PTPRN2: variants seen among roughly 807,000 people sequenced by gnomAD.
PTPRN2 encodes the protein receptor-type tyrosine-protein phosphatase N2.
Under a neutral mutation model 118.8 loss-of-function variants are expected in PTPRN2, and 74 were observed. That is an observed-to-expected ratio of 0.62 (90% CI 0.52 to 0.76). PTPRN2 has a LOEUF of 0.76. PTPRN2 is among the 30% of genes least tolerant of loss of function. PTPRN2 has a pLI of 0.00. For missense variants in PTPRN2, 1,481 were observed against 1,394.4 expected (o/e 1.06, Z -0.99); for synonymous variants, 641 against 608.0 (o/e 1.05, Z -0.80).
chr7:158,123,837 C>T (rs557636636), intron 9 of PTPRN2, among the ~76,000 whole-genome samples: 16 of 152,288 alleles, frequency 1.1e-4, no homozygotes, highest in Admixed American at 4.6e-4. Context: ...GCCGTGAACC[C>T]GTGCTGACCC....
At chr7:158,423,319 A>G (rs1156927829) in intron 2 of PTPRN2, among the ~76,000 whole-genome samples, 2 of 152,158 alleles carry the variant, frequency 1.3e-5, no homozygotes, top group African/African-American at 2.4e-5. Flanking sequence ...GCTTCCCTCC[A>G]CCCACAGTAA....
chr7:158,539,148 C>T (rs1352560967), intron 1 of PTPRN2, among the ~76,000 whole-genome samples: 1 of 152,204 alleles, frequency 6.6e-6, no homozygotes, highest in East Asian at 1.9e-4. Flanking sequence ...GTCCCATTTT[C>T]CCTGAACTAT....
rs576832162 is a variant in PTPRN2 at position 157,757,204 on chromosome 7, C to T, written c.1789-74267G>A. Among the ~76,000 whole-genome samples, 12 of 150,164 alleles carry T rather than the reference C, an allele frequency of 8.0e-5. 1 individual carries two copies. In the South Asian group the frequency reaches 2.1e-3, roughly 26 times the overall value. On this transcript the variant is annotated intron_variant, in intron 12 of 22. Transcript: ENST00000389418. The stretch of plus-strand genomic sequence containing the variant: ...GCTGCACCGTGCAGGCAGAGACCGT[C>T]GAGGAACCCACAGCAGAATTGGCCA...
intron 2 of PTPRN2, among the ~76,000 whole-genome samples, chr7:158,454,459 C>T (rs377378660): frequency 9.1e-4 from 128 of 140,288 alleles, no homozygotes; most frequent in South Asian, 8.4e-3. Flanking sequence ...GGATTGGGGA[C>T]GGTTGCTACA....
chr7:157,702,595 C>T (rs1376668952), intron 12 of PTPRN2, among the ~76,000 whole-genome samples: 2 of 152,182 alleles, frequency 1.3e-5, no homozygotes, highest in East Asian at 1.9e-4. Flanking sequence ...AGCCCCGGGG[C>T]GGAGGCTCAC....
Position 157,550,476 on chromosome 7 carries a change from C to T in PTPRN2, c.2903-1457G>A, listed in dbSNP as rs538620065. 7.9e-5 allele frequency among the ~76,000 whole-genome samples: 12 copies of T among 152,258 alleles called. No homozygotes were observed. Among genetic ancestry groups the T allele is most frequent in the Non-Finnish European group, 1.5e-4 (10 of 68,036 alleles). On this transcript the variant is annotated intron_variant, in intron 21 of 22. Transcript: ENST00000389418. This position sits in a 1 kb window ranked among gnomAD's most constrained non-coding sequence, Gnocchi z 5.2. ...GAATCTGGCTGTCAGGACAGCCCCA[C>T]AGCGGCTCCACCAGGGAGGCCGGGC...
At chr7:157,963,587 A>G (rs1801689665) in intron 11 of PTPRN2, among the ~76,000 whole-genome samples, 1 of 152,258 alleles carries the variant, frequency 6.6e-6, no homozygotes, top group Non-Finnish European at 1.5e-5. Context: ...TGTTCCACAC[A>G]TAAAGAATTT....
intron 1 of PTPRN2, among the ~76,000 whole-genome samples, chr7:158,577,516 C>G (rs1354152870): frequency 6.7e-6 from 1 of 149,796 alleles, no homozygotes; most frequent in Non-Finnish European, 1.5e-5. Flanking sequence ...CTGCCTGATG[C>G]CACAAACAGC....
At chr7:158,113,742 C>T (rs967117425) in intron 9 of PTPRN2, among the ~76,000 whole-genome samples, 4 of 152,076 alleles carry the variant, frequency 2.6e-5, no homozygotes, top group Non-Finnish European at 5.9e-5. Flanking sequence ...GGGCCTCGCA[C>T]CTGCAACAAG....
intron 12 of PTPRN2, among the ~76,000 whole-genome samples, chr7:157,717,504 G>A (rs1056335311): frequency 7.9e-5 from 12 of 152,262 alleles, no homozygotes; most frequent in African/African-American, 1.4e-4. Flanking sequence ...GCAATTGACC[G>A]CGGAAGCCAG....
In PTPRN2 at chr7:157,676,187, G is replaced by A. The variant is rs1415835553; in HGVS notation, c.2001+6538C>T. On this transcript the variant is annotated intron_variant, in intron 13 of 22. Coordinates refer to ENST00000389418, the MANE Select transcript of PTPRN2 (RefSeq NM_002847.5). This position sits in a 1 kb window ranked among gnomAD's most constrained non-coding sequence, Gnocchi z 5.6. ...CCCTGTCTAAACTCTTGGCCTGACT[G>A]GGAGGACCTCTTCCCTCTAGCCCAG... 6.6e-6 allele frequency among the ~76,000 whole-genome samples: 1 copy of A among 152,064 alleles called. No homozygotes were observed. The highest frequency in any genetic ancestry group is 1.5e-5 in the Non-Finnish European group (1 of 68,012).
chr7:158,402,976 C>G (rs1813064718), intron 2 of PTPRN2, among the ~76,000 whole-genome samples: 1 of 152,228 alleles, frequency 6.6e-6, no homozygotes, highest in South Asian at 2.1e-4. Context: ...CCAGAGCTGG[C>G]ACTGAAAACC....
At chr7:157,573,233 A>C (rs1328149835) in intron 19 of PTPRN2, among the ~76,000 whole-genome samples, 1 of 152,274 alleles carries the variant, frequency 6.6e-6, no homozygotes, top group Non-Finnish European at 1.5e-5. Context: ...GTGTGACGTG[A>C]GCACGTATGT....
rs199945982 is a variant in PTPRN2, at chr7:157,850,899, A to C, written c.1788+47774T>G. Among the ~76,000 whole-genome samples, 3 of 152,366 alleles carry C rather than the reference A, an allele frequency of 2.0e-5. No homozygotes were observed. The East Asian group carries it at 5.8e-4, about 29-fold the overall frequency. ...GGGAGAACGAATGGTCATCTCTGAA[A>C]TATGCTTTGCACATTAGGATTTTTC... On this transcript the variant is annotated intron_variant, in intron 12 of 22. Coordinates refer to ENST00000389418, the MANE Select transcript of PTPRN2 (RefSeq NM_002847.5).
chr7:157,556,986 G>A (rs1798926471), intron 21 of PTPRN2, among the ~76,000 whole-genome samples: 1 of 145,160 alleles, frequency 6.9e-6, no homozygotes, highest in Non-Finnish European at 1.5e-5. Context: ...CACACACAAT[G>A]TCATACATAT....
At chr7:158,463,651 T>G (rs62480031) in intron 2 of PTPRN2, among the ~76,000 whole-genome samples, 2 of 151,656 alleles carry the variant, frequency 1.3e-5, no homozygotes, top group Non-Finnish European at 2.9e-5. Flanking sequence ...ATCATCACCA[T>G]CATCGTCATC....
rs1457048210 is a variant in PTPRN2 at position 158,205,763 on chromosome 7, G to A, written c.278-490C>T. 4.6e-5 allele frequency among the ~76,000 whole-genome samples: 7 copies of A among 152,282 alleles called. No individual in the cohort carries two copies. In the East Asian group the frequency reaches 5.8e-4, roughly 13 times the overall value. On this transcript the variant is annotated intron_variant, in intron 3 of 22. Coordinates refer to ENST00000389418, the MANE Select transcript of PTPRN2 (RefSeq NM_002847.5). ...TGGCTGTGTGCCCCAGAGAGAGAAC[G>A]CATGCACTTGGGAGAGAGAGCACAG...
At chr7:157,770,309 G>T (rs1802726112) in intron 12 of PTPRN2, among the ~76,000 whole-genome samples, 1 of 152,200 alleles carries the variant, frequency 6.6e-6, no homozygotes, top group African/African-American at 2.4e-5. Flanking sequence ...CATGATGTCA[G>T]TATAACAACT....
chr7:158,403,432 C>T (rs1323326191), intron 2 of PTPRN2, among the ~76,000 whole-genome samples: 4 of 152,346 alleles, frequency 2.6e-5, no homozygotes, highest in Admixed American at 6.5e-5. Context: ...TGGACAGGCC[C>T]GGGCACAGGC....
Sources: allele counts gnomAD v4.1 joint callset (sites outside exome capture counted in the v4.1 genomes callset), GRCh38; gene constraint gnomAD v4.1.1; non-coding constraint Gnocchi (gnomAD v3.1); transcripts MANE v1.5; gene names NCBI Gene and HGNC (gene_info 2026-07-23, HGNC 2026-07-21).